Variants in CRYBG1 observed in about 807,000 individuals in gnomAD.
CRYBG1 encodes beta/gamma crystallin domain-containing protein 1.
CRYBG1 carries 139 observed loss-of-function variants against 189.2 expected under a neutral mutation model. The observed-to-expected ratio is 0.73, with a 90% CI of 0.64 to 0.85. The LOEUF is 0.85. CRYBG1 is among the 40% of genes least tolerant of loss of function. The probability of loss-of-function intolerance (pLI) is 0.00; values close to 1 mark genes in which losing one functional copy is unlikely to be tolerated. For missense variants in CRYBG1, 2,611 were observed against 2,675.8 expected, an observed-to-expected ratio of 0.98 and a Z score of 0.53; for synonymous variants, 1,023 against 1,017.1, an observed-to-expected ratio of 1.01 and a Z score of -0.11.
intron 13 of CRYBG1, 33 bp downstream of exon 13, chr6:106,544,966 A>G (rs1419253288): frequency 6.3e-7 from 1 of 1,578,910 alleles, no homozygotes; most frequent in Admixed American, 1.9e-5. Flanking sequence ...AATTTTAAAC[A>G]TGCGTTTTAC....
chr6:106,473,635 C>T (rs578205989), intron 2 of CRYBG1, among the ~76,000 whole-genome samples: 7 of 152,234 alleles, frequency 4.6e-5, no homozygotes, highest in Admixed American at 2.0e-4. Context: ...ATATTCTGTG[C>T]CCCAGGGATG....
intron 1 of CRYBG1, among the ~76,000 whole-genome samples, chr6:106,429,057 C>T (rs918749940): frequency 3.3e-5 from 5 of 152,186 alleles, no homozygotes; most frequent in African/African-American, 1.2e-4. Context: ...GTTTTAGACT[C>T]CTTGAAATGG....
At chr6:106,470,993 G>A (rs1772223228) in intron 2 of CRYBG1, among the ~76,000 whole-genome samples, 1 of 152,124 alleles carries the variant, frequency 6.6e-6, no homozygotes. Flanking sequence ...ATACATCATT[G>A]AAGACAACCA....
At chr6:106,510,749 C>G (rs1422778970) in intron 2 of CRYBG1, among the ~76,000 whole-genome samples, 1 of 152,264 alleles carries the variant, frequency 6.6e-6, no homozygotes, top group Non-Finnish European at 1.5e-5. Flanking sequence ...GGAACTCCCA[C>G]AGGCAAAAGC....
intron 1 of CRYBG1, among the ~76,000 whole-genome samples, chr6:106,399,334 A>G (rs1770673946): frequency 6.6e-6 from 1 of 152,166 alleles, no homozygotes; most frequent in Admixed American, 6.5e-5. Flanking sequence ...ATAAGTTATC[A>G]TTTATCTCAT....
chr6:106,460,834 T>A (rs1462540290), intron 2 of CRYBG1, among the ~76,000 whole-genome samples: 4 of 152,212 alleles, frequency 2.6e-5, no homozygotes, highest in African/African-American at 9.7e-5. Flanking sequence ...TTGCCCAGGC[T>A]GGATTGCAGA....
chr6:106,565,718 T>C (rs1774864401), intron 21 of CRYBG1, among the ~76,000 whole-genome samples: 1 of 152,176 alleles, frequency 6.6e-6, no homozygotes, highest in South Asian at 2.1e-4. Flanking sequence ...CAGTAACATA[T>C]AGTACAGCTC....
intron 1 of CRYBG1, among the ~76,000 whole-genome samples, chr6:106,421,569 C>T (rs1771123135): frequency 6.6e-6 from 1 of 152,018 alleles, no homozygotes; most frequent in Non-Finnish European, 1.5e-5. Flanking sequence ...CTTCATGAGG[C>T]CCTCCAAAGG....
At chr6:106,460,592 G>C (rs1289886677) in intron 2 of CRYBG1, among the ~76,000 whole-genome samples, 1 of 152,128 alleles carries the variant, frequency 6.6e-6, no homozygotes, top group Non-Finnish European at 1.5e-5. Context: ...GAGAAACCCA[G>C]AACGCTGCCC....
rs1299453004 is a variant in CRYBG1, at chr6:106,520,185, G to A, written c.2977G>A (p.Glu993Lys). The change falls in exon 4 of 22, where the codon GAA (glutamate) becomes AAA (lysine). Residue 993 changes from glutamate (E) to lysine (K), a missense_variant. Transcript: ENST00000633556. ...EVQLPTCHSN[E>K]PEVVSVASCA... ...GCAGTTGCCAACTTGTCACAGTAATGAACCTGAAGTGGTTTCCGTTGCAAG... is the reference window on the plus strand; with the variant it reads ...GCAGTTGCCAACTTGTCACAGTAATAAACCTGAAGTGGTTTCCGTTGCAAG... The A allele has an allele frequency of 6.2e-7, 1 of 1,614,006 alleles. No homozygotes were observed.
At chr6:106,436,004 C>T (rs1357572034) in intron 1 of CRYBG1, among the ~76,000 whole-genome samples, 1 of 152,162 alleles carries the variant, frequency 6.6e-6, no homozygotes, top group African/African-American at 2.4e-5. Flanking sequence ...AAAATCTATG[C>T]ATTAATATTT....
rs763076972 is a variant in CRYBG1 at position 106,512,870 on chromosome 6, G to C, written c.1753G>C (p.Glu585Gln). ...SSSLLPEIKP[E>Q]HKRGPLPNHF... ...CTCGCTGCTGCCGGAGATCAAGCCC[G>C]AGCACAAGAGGGGCCCGCTCCCCAA... Residue 585 changes from glutamate (E) to glutamine (Q), a missense_variant, in exon 3 of 22, where the codon GAG becomes CAG. Glu to Gln is a conservative substitution (Grantham distance 29). Transcript: ENST00000633556. 6.3e-7 allele frequency: 1 copy of C among 1,592,830 alleles called. No homozygotes were observed. Among genetic ancestry groups the C allele is most frequent in the South Asian group, 1.1e-5 (1 of 88,352 alleles).
chr6:106,462,159 TTG>T (rs1772020463), intron 2 of CRYBG1, among the ~76,000 whole-genome samples: 2 of 152,028 alleles, frequency 1.3e-5, no homozygotes, highest in African/African-American at 4.8e-5. Context: ...TGTTTGTTTT[TTG>T]TTTTTTTGTT....
chr6:106,457,964 A>G (rs528144527), intron 2 of CRYBG1, among the ~76,000 whole-genome samples: 2 of 152,344 alleles, frequency 1.3e-5, no homozygotes, highest in Non-Finnish European at 2.9e-5. Context: ...TTAATAAACT[A>G]TGGAAATATA....
chr6:106,435,208 C>T (rs1004478451), intron 1 of CRYBG1, among the ~76,000 whole-genome samples: 7 of 152,134 alleles, frequency 4.6e-5, no homozygotes, highest in Non-Finnish European at 1.0e-4. Context: ...CAAGGTCTCC[C>T]TCTGTCAACC....
At position 106,543,356 on chromosome 6, in the gene CRYBG1, C is replaced by T. The variant is rs187473549; in HGVS notation, c.4882-84C>T. ...GAAAATTTTAATTTGTGTGTCAGGA[C>T]TTAGTGATATTAAATGACTGATTTA... On this transcript the variant is annotated intron_variant, in intron 10 of 21. Transcript: ENST00000633556. 1.0e-3 allele frequency: 1,435 copies of T among 1,367,464 alleles called. 2 individuals carry two copies. The highest frequency in any genetic ancestry group is 4.0e-3 in the Admixed American group (204 of 51,602). 84.7% of individuals were successfully genotyped at this position (1,367,464 alleles called of 1,614,324 possible).
intron 1 of CRYBG1, among the ~76,000 whole-genome samples, chr6:106,438,546 C>T (rs1008338276): frequency 7.2e-5 from 11 of 152,178 alleles, no homozygotes; most frequent in African/African-American, 1.7e-4. Flanking sequence ...CTGCGTCACT[C>T]CAGTCTCCTC....
intron 10 of CRYBG1, among the ~76,000 whole-genome samples, chr6:106,542,346 C>G (rs6941170): frequency 0.1 from 14,975 of 147,632 alleles, 827 homozygotes; most frequent in East Asian, 0.11. Flanking sequence ...ACAGTGGCAC[C>G]ATCACGGCTC....
At chr6:106,488,338 G>A (rs559773108) in intron 2 of CRYBG1, among the ~76,000 whole-genome samples, 2 of 152,298 alleles carry the variant, frequency 1.3e-5, no homozygotes, top group South Asian at 2.1e-4. Context: ...CTCCAGGCTT[G>A]CTCTCAGGCC....
Sources: gnomAD v4.1 joint callset for allele counts (sites outside exome capture counted in the v4.1 genomes callset) on GRCh38, gnomAD v4.1.1 for gene constraint, MANE v1.5 for transcripts, NCBI Gene and HGNC (gene_info 2026-07-23, HGNC 2026-07-21) for gene names.